UPF2: variants seen among roughly 807,000 people sequenced by gnomAD.
UPF2 encodes the protein UPF2 regulator of nonsense mediated mRNA decay, also known as regulator of nonsense transcripts 2.
A neutral mutation model predicts 141.4 loss-of-function variants in UPF2; 17 were observed. The observed-to-expected ratio is 0.12, with a 90% CI of 0.08 to 0.18. UPF2 has a LOEUF of 0.18. Among genes scored for constraint, UPF2 ranks in the 10% least tolerant of loss-of-function variants. UPF2 has a pLI of 1.00. For missense variants in UPF2, 1,152 were observed against 1,515.9 expected, an observed-to-expected ratio of 0.76 and a Z score of 3.99; for synonymous variants, 540 against 498.0, an observed-to-expected ratio of 1.08 and a Z score of -1.12.
In UPF2 at chr10:11,936,628, G is replaced by A. The variant is rs764503147; in HGVS notation, c.3463C>T (p.Pro1155Ser). The stretch of plus-strand genomic sequence containing the variant: ...GCCTCTCCTTCCCCACCTCCCAGTG[G>A]GGGCCCTTTCCTCAGCTGGCTTTTG... Reference protein sequence around the residue: ...HLKSQLRKGPPLGGGEGEAES... With the variant: ...HLKSQLRKGPSLGGGEGEAES... The change falls in exon 19 of 22, where the codon CCA becomes TCA. Residue 1155 changes from proline (P) to serine (S), a missense_variant. By Grantham distance (74) the Pro-to-Ser change is moderately conservative. Coordinates refer to ENST00000357604, the MANE Select transcript of UPF2 (RefSeq NM_015542.4). This position sits in a 1 kb window ranked among gnomAD's most constrained non-coding sequence, Gnocchi z 6.6. The A allele has an allele frequency of 6.2e-7, 1 of 1,613,498 alleles. No individual in the cohort carries two copies. Among genetic ancestry groups the A allele is most frequent in the Admixed American group, 1.7e-5 (1 of 59,908 alleles).
chr10:11,942,289 C>T (rs1426344361), intron 18 of UPF2, among the ~76,000 whole-genome samples: 5 of 152,132 alleles, frequency 3.3e-5, no homozygotes, highest in Non-Finnish European at 5.9e-5. Context: ...ACAAGAACTG[C>T]TTGAACCCAG....
chr10:11,934,629 GC>G (rs1832823024), intron 19 of UPF2, among the ~76,000 whole-genome samples: 1 of 152,058 alleles, frequency 6.6e-6, no homozygotes, highest in Non-Finnish European at 1.5e-5. Context: ...TCGTTCTGTC[GC>G]CCAGGCTGGA....
intron 3 of UPF2, among the ~76,000 whole-genome samples, chr10:12,017,327 C>T (rs1789980827): frequency 6.6e-6 from 1 of 152,202 alleles, no homozygotes; most frequent in Non-Finnish European, 1.5e-5. Context: ...AAAGAACAAA[C>T]ATCCAGTCCA....
chr10:12,030,219 G>GA (rs939411050), intron 2 of UPF2, among the ~76,000 whole-genome samples: 51 of 149,838 alleles, frequency 3.4e-4, no homozygotes, highest in African/African-American at 1.1e-3. Flanking sequence ...TGGGCAAAGA[G>GA]AAAAAAAAAC....
chr10:11,993,149 CAAAAAAAAA>C (rs561323595), intron 8 of UPF2, among the ~76,000 whole-genome samples: 5 of 80,560 alleles, frequency 6.2e-5, no homozygotes, highest in East Asian at 3.6e-4. Context: ...GGCTCCACCT[CAAAAAAAAA>C]AAAAAAAAAA....
chr10:11,948,666 T>A (rs956876137), intron 15 of UPF2, among the ~76,000 whole-genome samples, 158 bp from the exon 16 acceptor site: 2 of 152,180 alleles, frequency 1.3e-5, no homozygotes, highest in African/African-American at 4.8e-5. Context: ...GAGAAACATT[T>A]AAAAAACTAA....
intron 9 of UPF2, among the ~76,000 whole-genome samples, chr10:11,975,211 T>C (rs2131220733): frequency 6.6e-6 from 1 of 152,234 alleles, no homozygotes; most frequent in South Asian, 2.1e-4. Flanking sequence ...CAGTGAGCTA[T>C]GATCATGCCA....
At chr10:12,031,347 A>AT (rs1208881202) in intron 2 of UPF2, among the ~76,000 whole-genome samples, 23 of 152,186 alleles carry the variant, frequency 1.5e-4, no homozygotes, top group Non-Finnish European at 1.5e-5. Flanking sequence ...AAGAAACTTA[A>AT]TAAAAACCTA....
chr10:11,921,367 G>C lies in UPF2; in HGVS notation c.3810-60C>G. The C allele has an allele frequency of 1.2e-6, 2 of 1,609,214 alleles. No individual in the cohort carries two copies. Among genetic ancestry groups the C allele is most frequent in the Non-Finnish European group, 1.7e-6 (2 of 1,176,196 alleles). On this transcript the variant is annotated intron_variant, in intron 21 of 21. Coordinates refer to ENST00000357604, the MANE Select transcript of UPF2 (RefSeq NM_015542.4). The surrounding 1 kb of genome is among the most constrained non-coding windows in gnomAD (Gnocchi z 5.9). Reference sequence around the variant, plus strand: ...ACTGCCACAGGACAAAGTCCAGCAAGATGGCGTCTGCAACGCTACCCACCA... The same window carrying C: ...ACTGCCACAGGACAAAGTCCAGCAACATGGCGTCTGCAACGCTACCCACCA...
chr10:12,017,656 A>T (rs143212160), intron 3 of UPF2, among the ~76,000 whole-genome samples: 9 of 152,352 alleles, frequency 5.9e-5, no homozygotes, highest in Admixed American at 1.3e-4. Context: ...TACTTAAGTT[A>T]CTATTCAGTG....
In UPF2 at chr10:11,921,599, G is replaced by A. The variant is rs1479595188; in HGVS notation, c.3810-292C>T. Among the ~76,000 whole-genome samples the A allele has an allele frequency of 1.3e-5, 2 of 152,206 alleles. No individual in the cohort carries two copies. Among genetic ancestry groups the A allele is most frequent in the Admixed American group, 1.3e-4 (2 of 15,280 alleles). On this transcript the variant is annotated intron_variant, in intron 21 of 21. Coordinates refer to ENST00000357604, the MANE Select transcript of UPF2 (RefSeq NM_015542.4). This position sits in a 1 kb window ranked among gnomAD's most constrained non-coding sequence, Gnocchi z 5.9. Reference sequence around the variant, plus strand: ...AGAGATGATGTAAAGTACACGGGAGGATGTGCATATGTTATACATAAATGC... The same window carrying A: ...AGAGATGATGTAAAGTACACGGGAGAATGTGCATATGTTATACATAAATGC...
At chr10:11,948,994 A>C (rs1258388817) in intron 15 of UPF2, among the ~76,000 whole-genome samples, 1 of 152,254 alleles carries the variant, frequency 6.6e-6, no homozygotes, top group African/African-American at 2.4e-5. Context: ...ATGCAAATTA[A>C]GACGGGGGAA....
Position 11,921,045 on chromosome 10 carries a change from C to G in UPF2, c.*253G>C, listed in dbSNP as rs1832635156. The G allele has an allele frequency of 1.4e-6, 1 of 721,228 alleles. No individual in the cohort carries two copies. Among genetic ancestry groups the G allele is most frequent in the Non-Finnish European group, 2.6e-6 (1 of 381,036 alleles). 44.7% of individuals were successfully genotyped at this position (721,228 alleles called of 1,614,324 possible). On this transcript the variant is annotated 3_prime_UTR_variant, in exon 22 of 22. Coordinates refer to ENST00000357604, the MANE Select transcript of UPF2 (RefSeq NM_015542.4). The surrounding 1 kb of genome is among the most constrained non-coding windows in gnomAD (Gnocchi z 5.9). ...CATCTCATTTCTTGACTGCCATTCT[C>G]AAGAGAAGATTAACCCTCGCGAGAT...
At position 11,979,633 on chromosome 10, in the gene UPF2, G is replaced by A. The variant is rs530202612; in HGVS notation, c.1845-468C>T. Among the ~76,000 whole-genome samples the A allele has an allele frequency of 1.3e-5, 2 of 152,284 alleles. No individual in the cohort carries two copies. The highest frequency in any genetic ancestry group is 2.1e-4 in the South Asian group (1 of 4,828). On this transcript the variant is annotated intron_variant, in intron 8 of 21. Transcript: ENST00000357604. The surrounding 1 kb of genome is among the most constrained non-coding windows in gnomAD (Gnocchi z 6.2). Reference sequence around the variant, plus strand: ...TAAAAAGGTAATCAATAGGCTGGGCGTGGTAGCTCACGCCTGTAATCCCAG... The same window carrying A: ...TAAAAAGGTAATCAATAGGCTGGGCATGGTAGCTCACGCCTGTAATCCCAG...
In UPF2 at chr10:11,956,831, T is replaced by A. The variant is rs972880203; in HGVS notation, c.2371-308A>T. The stretch of plus-strand genomic sequence containing the variant: ...TCAGGAGTTTGGAGTAGGTTTCTTT[T>A]TCCCCCCCAGACACAGTCTCACTCT... On this transcript the variant is annotated intron_variant, in intron 12 of 21. Transcript: ENST00000357604. This position sits in a 1 kb window ranked among gnomAD's most constrained non-coding sequence, Gnocchi z 4.2. 6.6e-6 allele frequency among the ~76,000 whole-genome samples: 1 copy of A among 152,078 alleles called. No individual in the cohort carries two copies.
chr10:12,006,821 T>C (rs780200500), intron 4 of UPF2, among the ~76,000 whole-genome samples: 1 of 152,212 alleles, frequency 6.6e-6, no homozygotes. Flanking sequence ...CATAACAAGC[T>C]TTTTGATCCT....
chr10:11,963,355 C>CATTT (rs369200355), intron 11 of UPF2, among the ~76,000 whole-genome samples: 4 of 152,126 alleles, frequency 2.6e-5, no homozygotes, highest in Admixed American at 6.6e-5. Flanking sequence ...TTCATTCATT[C>CATTT]GAGACAGGGT....
At chr10:11,946,105 T>A (rs928574886) in intron 16 of UPF2, among the ~76,000 whole-genome samples, 3 of 152,222 alleles carry the variant, frequency 2.0e-5, no homozygotes, top group Admixed American at 2.0e-4. Context: ...ACATAAATAC[T>A]TAATGGTGCA....
At position 11,936,395 on chromosome 10, in the gene UPF2, A is replaced by C. The variant is rs554719126; in HGVS notation, c.3546+150T>G. The C allele has an allele frequency of 1.0e-5, 9 of 859,764 alleles. No individual in the cohort carries two copies. In the African/African-American group the frequency reaches 1.4e-4, roughly 13 times the overall value. The allele number at this position is 859,764 out of a possible 1,614,324, so 53.3% of individuals were successfully genotyped here. On this transcript the variant is annotated intron_variant, in intron 19 of 21. Transcript: ENST00000357604. This position sits in a 1 kb window ranked among gnomAD's most constrained non-coding sequence, Gnocchi z 6.6. ...AAACAAAAACAAAAACAAAAACAAA[A>C]ACAAAAAAAACTATATAAGGGAAGA...
Sources: allele counts gnomAD v4.1 joint callset (sites outside exome capture counted in the v4.1 genomes callset), GRCh38; gene constraint gnomAD v4.1.1; non-coding constraint Gnocchi (gnomAD v3.1); transcripts MANE v1.5; gene names NCBI Gene and HGNC (gene_info 2026-07-23, HGNC 2026-07-21).